Variants in EYS observed in about 807,000 individuals in gnomAD.
EYS encodes protein eyes shut homolog.
In EYS, 250 loss-of-function variants were observed where a neutral mutation model predicts 282.1. That is an observed-to-expected ratio of 0.89 (90% CI 0.80 to 0.98). The LOEUF is 0.98. Among genes scored for constraint, EYS ranks in the 50% least tolerant of loss-of-function variants. The pLI is 0.00. For missense variants in EYS, 4,016 were observed against 3,709.0 expected, an observed-to-expected ratio of 1.08 and a Z score of -2.15; for synonymous variants, 1,355 against 1,282.9, an observed-to-expected ratio of 1.06 and a Z score of -1.20.
chr6:63,994,081 A>G (rs1767724907), intron 34 of EYS, among the ~76,000 whole-genome samples: 1 of 152,000 alleles, frequency 6.6e-6, no homozygotes, highest in South Asian at 2.1e-4. Flanking sequence ...GGCTATTCAC[A>G]TGCAAAAGAG....
At chr6:64,345,418 T>A (rs1023611620) in intron 29 of EYS, among the ~76,000 whole-genome samples, 4 of 152,138 alleles carry the variant, frequency 2.6e-5, no homozygotes, top group Non-Finnish European at 4.4e-5. Flanking sequence ...CTATCTGATC[T>A]TTGACAAACC....
At chr6:65,390,458 C>A (rs1169304901) in intron 7 of EYS, among the ~76,000 whole-genome samples, 1 of 151,504 alleles carries the variant, frequency 6.6e-6, no homozygotes, top group Admixed American at 6.6e-5. Flanking sequence ...GATATGGCAA[C>A]AAGGGCAACG....
chr6:65,290,195 CAAA>C (rs1320170097), intron 12 of EYS, among the ~76,000 whole-genome samples: 1 of 150,630 alleles, frequency 6.6e-6, no homozygotes, highest in Non-Finnish European at 1.5e-5. Flanking sequence ...TTAAAGAACA[CAAA>C]GAACAAAGCA....
intron 24 of EYS, among the ~76,000 whole-genome samples, chr6:64,607,895 C>A (rs918481151): frequency 6.6e-6 from 1 of 152,108 alleles, no homozygotes. Context: ...GTTTCCTCAT[C>A]ATCACCATAG....
Position 65,690,251 on chromosome 6 carries a change from T to A in EYS, c.-448+16884A>T, listed in dbSNP as rs1769192289. On this transcript the variant is annotated intron_variant, in intron 1 of 42. Transcript: ENST00000503581. ...TGCAGCAAAAGCTGGTTACAAACAA[T>A]CCATAGAAGCAGGACGTGAAGCTAG... Among the ~76,000 whole-genome samples, 2 of 149,842 alleles carry A rather than the reference T, an allele frequency of 1.3e-5. 1 individual carries two copies. The highest frequency in any genetic ancestry group is 3.0e-5 in the Non-Finnish European group (2 of 67,652).
intron 2 of EYS, among the ~76,000 whole-genome samples, chr6:65,560,003 T>A (rs1329710997): frequency 6.6e-6 from 1 of 150,522 alleles, no homozygotes; most frequent in Non-Finnish European, 1.5e-5. Flanking sequence ...CAAAGGATAT[T>A]AAAGAATGTA....
intron 35 of EYS, among the ~76,000 whole-genome samples, chr6:63,981,352 C>A (rs984693078): frequency 6.6e-6 from 1 of 151,776 alleles, no homozygotes; most frequent in African/African-American, 2.4e-5. Flanking sequence ...ACAGGCATCT[C>A]TTCTTAGGAT....
At chr6:64,560,579 T>TTCATCAGA (rs1457959291) in intron 26 of EYS, among the ~76,000 whole-genome samples, 1 of 152,092 alleles carries the variant, frequency 6.6e-6, no homozygotes, top group Admixed American at 6.6e-5. Flanking sequence ...TTATGCCTAA[T>TTCATCAGA]TCATCAGACT....
At chr6:63,900,475 T>TTTAGAACTCAAGCAGA (rs1455545884) in intron 35 of EYS, among the ~76,000 whole-genome samples, 1 of 152,150 alleles carries the variant, frequency 6.6e-6, no homozygotes, top group Non-Finnish European at 1.5e-5. Flanking sequence ...TTCCCATATA[T>TTTAGAACTCAAGCAGA]TTAGAACTCA....
At chr6:64,812,822 A>G (rs1397539888) in intron 22 of EYS, among the ~76,000 whole-genome samples, 1 of 152,006 alleles carries the variant, frequency 6.6e-6, no homozygotes, top group Non-Finnish European at 1.5e-5. Context: ...TCAAATGACC[A>G]ATCCATTGGA....
At chr6:64,931,126 A>C (rs983455304) in intron 15 of EYS, among the ~76,000 whole-genome samples, 1 of 152,120 alleles carries the variant, frequency 6.6e-6, no homozygotes, top group Non-Finnish European at 1.5e-5. Context: ...GTAGTTCAGT[A>C]ACTTAGGACA....
chr6:65,554,376 T>G (rs1268235732), intron 2 of EYS, among the ~76,000 whole-genome samples: 1 of 152,182 alleles, frequency 6.6e-6, no homozygotes, highest in Admixed American at 6.5e-5. Flanking sequence ...AACAATCTCT[T>G]TCCTGAACTT....
intron 18 of EYS, among the ~76,000 whole-genome samples, chr6:64,896,213 T>C (rs1767459024): frequency 6.6e-6 from 1 of 152,152 alleles, no homozygotes; most frequent in Non-Finnish European, 1.5e-5. Context: ...AGGTGATTTC[T>C]GCATTTCCAA....
chr6:65,102,429 C>T (rs960649540), intron 12 of EYS, among the ~76,000 whole-genome samples: 2 of 150,748 alleles, frequency 1.3e-5, no homozygotes, highest in Non-Finnish European at 1.5e-5. Flanking sequence ...ATAGACAAAC[C>T]CAGTATTCAT....
intron 31 of EYS, among the ~76,000 whole-genome samples, chr6:64,162,184 C>T (rs887661059): frequency 2.6e-5 from 4 of 152,146 alleles, no homozygotes; most frequent in African/African-American, 9.7e-5. Flanking sequence ...TATTTGAGAT[C>T]CCTCTGAAGA....
At chr6:64,833,086 A>G (rs578244266) in intron 19 of EYS, among the ~76,000 whole-genome samples, 29 of 151,992 alleles carry the variant, frequency 1.9e-4, no homozygotes, top group Middle Eastern at 3.4e-3. Flanking sequence ...TTACATATAA[A>G]CATTAATGCA....
chr6:64,707,613 G>T (rs943457815), intron 22 of EYS, among the ~76,000 whole-genome samples: 1 of 150,810 alleles, frequency 6.6e-6, no homozygotes, highest in Non-Finnish European at 1.5e-5. Flanking sequence ...TGCAGTGAGT[G>T]GAGATCACGC....
intron 5 of EYS, among the ~76,000 whole-genome samples, chr6:65,431,484 A>T (rs1374813027): frequency 6.6e-6 from 1 of 152,022 alleles, no homozygotes; most frequent in Admixed American, 6.5e-5. Context: ...AATATTTATG[A>T]CAATAAAATA....
chr6:65,694,116 G>T (rs970257844), intron 1 of EYS, among the ~76,000 whole-genome samples: 1 of 150,104 alleles, frequency 6.7e-6, no homozygotes, highest in Admixed American at 6.7e-5. Context: ...AGGCGTGGTG[G>T]CACATGCCTG....
Sources: gnomAD v4.1 joint callset for allele counts (sites outside exome capture counted in the v4.1 genomes callset) on GRCh38, gnomAD v4.1.1 for gene constraint, MANE v1.5 for transcripts, NCBI Gene and HGNC (gene_info 2026-07-23, HGNC 2026-07-21) for gene names.